FAM193A: variants seen among roughly 807,000 people sequenced by gnomAD.
The protein encoded by FAM193A is protein FAM193A.
A neutral mutation model predicts 126.5 loss-of-function variants in FAM193A; 22 were observed. That is an observed-to-expected ratio of 0.17 (90% CI 0.12 to 0.25). The LOEUF (loss-of-function observed/expected upper bound fraction) is 0.25. FAM193A is among the 10% of genes least tolerant of loss of function. FAM193A has a pLI of 1.00. For missense variants in FAM193A, 1,675 were observed against 1,672.8 expected (o/e 1.00, Z -0.02); for synonymous variants, 761 against 646.8 (o/e 1.18, Z -2.68).
chr4:2,643,575 CCTT>C (rs1744849805), intron 6 of FAM193A, among the ~76,000 whole-genome samples: 1 of 152,154 alleles, frequency 6.6e-6, no homozygotes, highest in South Asian at 2.1e-4. Context: ...TCCATTGTCC[CCTT>C]CTTTTTTCCC....
rs1227615545 is a variant in FAM193A at position 2,659,995 on chromosome 4, C to T, written c.1686C>T (p.Pro562=). Residue 562 remains proline (P), a synonymous_variant, in exon 10 of 21, where the codon CCC becomes CCT. Coordinates refer to ENST00000637812, the MANE Select transcript of FAM193A (RefSeq NM_001366318.2). ...SASSGSGSSS[P]ITIQQHPRLI... ...GCTCGGGGTCCGGCTCCAGCTCTCC[C>T]ATCACAATTCAGCAGCACCCCAGGC... 6 of 1,614,078 alleles carry T rather than the reference C, an allele frequency of 3.7e-6. No homozygotes were observed. Among genetic ancestry groups the T allele is most frequent in the Non-Finnish European group, 5.1e-6 (6 of 1,180,036 alleles).
intron 20 of FAM193A, among the ~76,000 whole-genome samples, chr4:2,728,541 G>A (rs931871350): frequency 6.6e-6 from 1 of 151,990 alleles, no homozygotes; most frequent in Non-Finnish European, 1.5e-5. Flanking sequence ...CACCCTATTC[G>A]CAGCTAGCAA....
intron 5 of FAM193A, among the ~76,000 whole-genome samples, chr4:2,636,264 T>C (rs1314491742): frequency 3.3e-5 from 5 of 151,944 alleles, no homozygotes; most frequent in African/African-American, 4.8e-5. Flanking sequence ...GGGGTTTCAC[T>C]GTGTTAGCCA....
intron 2 of FAM193A, among the ~76,000 whole-genome samples, chr4:2,622,979 T>C (rs1742645087): frequency 6.6e-6 from 1 of 152,064 alleles, no homozygotes; most frequent in Admixed American, 6.6e-5. Flanking sequence ...TGCTGGACTG[T>C]CTAGTGGAAA....
At chr4:2,707,928 T>G (rs191159894) in intron 19 of FAM193A, among the ~76,000 whole-genome samples, 1 of 152,230 alleles carries the variant, frequency 6.6e-6, no homozygotes, top group Admixed American at 6.5e-5. Flanking sequence ...TTTTGTATTT[T>G]TAGTAGAGAC....
chr4:2,566,796 T>A (rs1738989193), intron 1 of FAM193A, among the ~76,000 whole-genome samples: 1 of 152,156 alleles, frequency 6.6e-6, no homozygotes, highest in Non-Finnish European at 1.5e-5. Flanking sequence ...GGAAATGAAA[T>A]TTTGCAGCTT....
intron 2 of FAM193A, among the ~76,000 whole-genome samples, chr4:2,602,885 C>A (rs1464961414): frequency 6.8e-6 from 1 of 148,018 alleles, no homozygotes; most frequent in African/African-American, 2.5e-5. Context: ...TTGTCTGGAT[C>A]TCCTGACCTT....
chr4:2,726,721 CAG>C (rs1291098092), intron 20 of FAM193A, among the ~76,000 whole-genome samples: 2 of 134,908 alleles, frequency 1.5e-5, no homozygotes, highest in Non-Finnish European at 1.5e-5. Context: ...ACTTGAGGGT[CAG>C]GGGTTTGAGA....
intron 1 of FAM193A, among the ~76,000 whole-genome samples, chr4:2,581,194 T>C (rs938037529): frequency 9.8e-5 from 14 of 142,340 alleles, no homozygotes; most frequent in African/African-American, 3.5e-4. Flanking sequence ...GCCATTTCTT[T>C]TGTAGATCTA....
intron 1 of FAM193A, among the ~76,000 whole-genome samples, chr4:2,566,942 C>CTTTTTT (rs71644339): frequency 7.2e-6 from 1 of 138,912 alleles, no homozygotes; most frequent in African/African-American, 2.6e-5. Flanking sequence ...ATTTCTTTTT[C>CTTTTTT]TTTTTTTTTT....
At chr4:2,715,477 C>A (rs761985794) in intron 19 of FAM193A, 16 of 985,296 alleles carry the variant, frequency 1.6e-5, no homozygotes, top group Non-Finnish European at 1.9e-5. Context: ...TTGATGAAAT[C>A]TCTGGATGTC....
intron 7 of FAM193A, among the ~76,000 whole-genome samples, chr4:2,648,066 C>G (rs1577132536): frequency 6.6e-6 from 1 of 152,138 alleles, no homozygotes; most frequent in South Asian, 2.1e-4. Flanking sequence ...ACTGCAGCCA[C>G]AGGGACTAGA....
rs1712199702 is a variant in FAM193A, at chr4:2,659,876, A to G, written c.1567A>G (p.Thr523Ala). 6.2e-7 allele frequency: 1 copy of G among 1,614,112 alleles called. No individual in the cohort carries two copies. Among genetic ancestry groups the G allele is most frequent in the Non-Finnish European group, 8.5e-7 (1 of 1,179,970 alleles). ...LTCGIMDPPV[T>A]DDIHIHQLPL... is the part of the protein sequence containing the mutation. ...GTGTGGTATCATGGACCCCCCCGTC[A>G]CTGATGACATCCACATTCACCAGCT... is the stretch of plus-strand genomic sequence containing the variant. The change falls in exon 10 of 21, where the codon ACT (threonine) becomes GCT (alanine). Residue 523 changes from threonine to alanine, a missense_variant. Transcript: ENST00000637812.
chr4:2,601,227 CTTTTTTT>C (rs1201989388), intron 2 of FAM193A, among the ~76,000 whole-genome samples: 8 of 110,682 alleles, frequency 7.2e-5, no homozygotes, highest in East Asian at 2.7e-4. Context: ...TCTTCTTCTT[CTTTTTTT>C]TTTTTTTTTT....
In FAM193A at chr4:2,659,682, T is replaced by C. The variant is rs1377476953; in HGVS notation, c.1502+12T>C. 2 of 1,612,876 alleles carry C rather than the reference T, an allele frequency of 1.2e-6. No homozygotes were observed. Among genetic ancestry groups the C allele is most frequent in the Non-Finnish European group, 1.7e-6 (2 of 1,179,114 alleles). On this transcript the variant is annotated intron_variant, in intron 9 of 20. Coordinates refer to ENST00000637812, the MANE Select transcript of FAM193A (RefSeq NM_001366318.2). ...AACTACAGGAGAAGGTAAGGCTGGGTTGTGGTGTCAGCACGACTGGCCCAT... is the reference window on the plus strand; with the variant it reads ...AACTACAGGAGAAGGTAAGGCTGGGCTGTGGTGTCAGCACGACTGGCCCAT...
intron 13 of FAM193A, among the ~76,000 whole-genome samples, chr4:2,681,068 G>T (rs1375662166): frequency 1.3e-5 from 2 of 151,880 alleles, no homozygotes; most frequent in African/African-American, 2.4e-5. Flanking sequence ...TAGCTCACTG[G>T]AGCCTCGAAC....
rs556790565 is a variant in FAM193A, at chr4:2,622,100, C to T, written c.502-3162C>T. On this transcript the variant is annotated intron_variant, in intron 2 of 20. Coordinates refer to ENST00000637812, the MANE Select transcript of FAM193A (RefSeq NM_001366318.2). ...CGAAGCCCTGTGTCTACCAAAAATA[C>T]GAAAAATTAAGCCAGGTGTGGTGGC... is the stretch of plus-strand genomic sequence containing the variant. 9.2e-5 allele frequency among the ~76,000 whole-genome samples: 14 copies of T among 151,834 alleles called. 1 individual carries two copies. Among genetic ancestry groups the T allele is most frequent in the South Asian group, 4.2e-4 (2 of 4,796 alleles).
intron 12 of FAM193A, among the ~76,000 whole-genome samples, chr4:2,664,816 G>A (rs893027567): frequency 6.6e-6 from 1 of 152,114 alleles, no homozygotes; most frequent in South Asian, 2.1e-4. Flanking sequence ...GCCCGTGTTG[G>A]CCTCCCAAAG....
At chr4:2,718,956 G>A (rs2109386568) in intron 20 of FAM193A, among the ~76,000 whole-genome samples, 1 of 152,198 alleles carries the variant, frequency 6.6e-6, no homozygotes, top group East Asian at 1.9e-4. Context: ...CATTTTAACA[G>A]TTTTACCGAG....
Sources: allele counts gnomAD v4.1 joint callset (sites outside exome capture counted in the v4.1 genomes callset), GRCh38; gene constraint gnomAD v4.1.1; transcripts MANE v1.5; gene names NCBI Gene and HGNC (gene_info 2026-07-23, HGNC 2026-07-21).